LHPP: variants seen among roughly 807,000 people sequenced by gnomAD.
LHPP encodes the protein hLHPP.
A neutral mutation model predicts 30.3 loss-of-function variants in LHPP; 24 were observed. The ratio of observed to expected loss-of-function variants is 0.79; its 90% CI spans 0.57 to 1.11. The LOEUF is 1.11. LHPP is among the 50% of genes most tolerant of loss of function. The probability of loss-of-function intolerance (pLI) is 0.00; values close to 1 mark genes in which losing one functional copy is unlikely to be tolerated. For missense variants in LHPP, 356 were observed against 367.2 expected, an observed-to-expected ratio of 0.97 and a Z score of 0.25; for synonymous variants, 150 against 157.1, an observed-to-expected ratio of 0.95 and a Z score of 0.34.
chr10:124,517,151 C>T lies in LHPP; in HGVS notation c.625-29C>T, dbSNP rs1954478183. On this transcript the variant is annotated intron_variant, in intron 5 of 6. Coordinates refer to ENST00000368842, the MANE Select transcript of LHPP (RefSeq NM_022126.4). The surrounding 1 kb of genome is among the most constrained non-coding windows in gnomAD (Gnocchi z 4.1). ...CGGGAATAAAACTCTCCTGACATCA[C>T]TTCTGAGCGTATTTCACTGCCGTGA... 2.0e-6 allele frequency: 3 copies of T among 1,534,836 alleles called. No individual in the cohort carries two copies. The highest frequency in any genetic ancestry group is 1.4e-5 in the African/African-American group (1 of 72,630).
chr10:124,496,856 C>A lies in LHPP; in HGVS notation c.468-105C>A. On this transcript the variant is annotated intron_variant, in intron 3 of 6. Coordinates refer to ENST00000368842, the MANE Select transcript of LHPP (RefSeq NM_022126.4). The surrounding 1 kb of genome is among the most constrained non-coding windows in gnomAD (Gnocchi z 4.3). Reference sequence around the variant, plus strand: ...GGACTGCCCCTCAGCCGCGGCTTGGCTCTGCAGCCAGCGGGACAGGCCCGG... The same window carrying A: ...GGACTGCCCCTCAGCCGCGGCTTGGATCTGCAGCCAGCGGGACAGGCCCGG... The A allele has an allele frequency of 2.0e-6, 2 of 1,011,182 alleles. No individual in the cohort carries two copies. Among genetic ancestry groups the A allele is most frequent in the South Asian group, 1.5e-5 (1 of 66,236 alleles). 62.6% of individuals were successfully genotyped at this position (1,011,182 alleles called of 1,614,324 possible).
chr10:124,551,164 T>TC, intron 6 of LHPP, among the ~76,000 whole-genome samples: 1 of 151,850 alleles, frequency 6.6e-6, no homozygotes, highest in Non-Finnish European at 1.5e-5. Context: ...GGGAGATGGC[T>TC]CCCCCCAGCC....
At chr10:124,566,923 G>T (rs543451165) in intron 6 of LHPP, among the ~76,000 whole-genome samples, 1 of 152,328 alleles carries the variant, frequency 6.6e-6, no homozygotes, top group African/African-American at 2.4e-5. Flanking sequence ...GTGCAGAAGA[G>T]AAATGGTCCC....
In LHPP at chr10:124,508,931, A is replaced by C. The variant is rs182569016; in HGVS notation, c.625-8249A>C. 4.2e-4 allele frequency among the ~76,000 whole-genome samples: 64 copies of C among 152,010 alleles called. 1 individual carries two copies. The highest frequency in any genetic ancestry group is 7.9e-4 in the Admixed American group (12 of 15,254). ...GTGTGCAGGTTTGTGATACAGGTAC[A>C]TTGTGTGTCTTGGGGGTTTGGTGTG... On this transcript the variant is annotated intron_variant, in intron 5 of 6. Coordinates refer to ENST00000368842, the MANE Select transcript of LHPP (RefSeq NM_022126.4).
intron 6 of LHPP, among the ~76,000 whole-genome samples, chr10:124,581,785 ACACAT>A (rs1948746013): frequency 1.4e-5 from 2 of 148,056 alleles, no homozygotes; most frequent in African/African-American, 5.0e-5. Context: ...ACACACACAC[ACACAT>A]TTTTTCTTTT....
intron 6 of LHPP, among the ~76,000 whole-genome samples, chr10:124,595,881 C>T (rs556078896): frequency 3.9e-5 from 6 of 152,296 alleles, no homozygotes; most frequent in South Asian, 2.1e-4. Context: ...CTGTACACAC[C>T]GCTCTCCCTG....
intron 6 of LHPP, among the ~76,000 whole-genome samples, chr10:124,531,799 A>G (rs1245644335): frequency 6.6e-6 from 1 of 152,146 alleles, no homozygotes; most frequent in African/African-American, 2.4e-5. Context: ...ATTGATACGT[A>G]TTTGTGGGGA....
rs961845321 is a variant in LHPP at position 124,461,965 on chromosome 10, G to C, written c.103G>C (p.Gly35Arg). The change falls in exon 1 of 7, where the codon GGC (glycine) becomes CGC (arginine). Residue 35 changes from glycine (G) to arginine (R), a missense_variant. Coordinates refer to ENST00000368842, the MANE Select transcript of LHPP (RefSeq NM_022126.4). ...SGAGGGTAIA[G>R]SVEAVARLKR... ...CGCGGGCGGCGGCACGGCCATCGCC[G>C]GCTCGGTGGAGGCGGTGGCCAGGTG... 5 of 1,224,226 alleles carry C rather than the reference G, an allele frequency of 4.1e-6. No homozygotes were observed. The highest frequency in any genetic ancestry group is 5.1e-6 in the Non-Finnish European group (5 of 979,470). The allele number at this position is 1,224,226 out of a possible 1,614,324, so 75.8% of individuals were successfully genotyped here.
chr10:124,607,851 C>T (rs977892737), intron 6 of LHPP, among the ~76,000 whole-genome samples: 4 of 152,208 alleles, frequency 2.6e-5, no homozygotes, highest in Admixed American at 6.5e-5. Context: ...ACCCGGGCCG[C>T]GGCCTCAGCC....
At chr10:124,504,033 A>G (rs1363531593) in intron 5 of LHPP, among the ~76,000 whole-genome samples, 1 of 152,006 alleles carries the variant, frequency 6.6e-6, no homozygotes, top group African/African-American at 2.4e-5. Flanking sequence ...CTCTACTACA[A>G]ATACAAAAAT....
intron 6 of LHPP, among the ~76,000 whole-genome samples, chr10:124,611,108 C>T (rs1949191839): frequency 1.3e-5 from 2 of 151,842 alleles, no homozygotes; most frequent in Admixed American, 1.3e-4. Flanking sequence ...GGTGTGTGCT[C>T]ATTCAGGAGC....
intron 6 of LHPP, among the ~76,000 whole-genome samples, chr10:124,575,845 A>G (rs1948651483): frequency 6.6e-6 from 1 of 152,152 alleles, no homozygotes; most frequent in South Asian, 2.1e-4. Flanking sequence ...GAGTGAGTGA[A>G]GGAAAGGCTG....
chr10:124,553,686 C>T (rs1370939622), intron 6 of LHPP, among the ~76,000 whole-genome samples: 1 of 152,142 alleles, frequency 6.6e-6, no homozygotes, highest in Non-Finnish European at 1.5e-5. Flanking sequence ...GTCTCGATCT[C>T]CTGACCTTGT....
rs1949191066 is a variant in LHPP, at chr10:124,611,043, C to CGGGTGAGGGTGCTGATGGAGTGGGTGT, written c.717-2212_717-2211insTGCTGATGGAGTGGGTGTGGGTGAGGG. 5.9e-5 allele frequency among the ~76,000 whole-genome samples: 8 copies of CGGGTGAGGGTGCTGATGGAGTGGGTGT among 135,520 alleles called. 1 individual carries two copies. The highest frequency in any genetic ancestry group is 2.5e-4 in the African/African-American group (8 of 32,016). 88.9% of individuals were successfully genotyped at this position (135,520 alleles called of 152,430 possible). ...GGTGAGGGTGCTGATGGAGCGGGTGCGGGTGAGGGGGCCGCATACTCATCC... is the reference window on the plus strand; with the variant it reads ...GGTGAGGGTGCTGATGGAGCGGGTGCGGGTGAGGGTGCTGATGGAGTGGGTGTGGGTGAGGGGGCCGCATACTCATCC... On this transcript the variant is annotated intron_variant, in intron 6 of 6. Transcript: ENST00000368842.
Position 124,486,176 on chromosome 10 carries a change from A to G in LHPP, c.313+1850A>G, listed in dbSNP as rs573781246. ...ACTTTTGCTGAGTTTTGACATATGCATGCACCCATGGAACCCAACCCCGTG... is the reference window on the plus strand; with the variant it reads ...ACTTTTGCTGAGTTTTGACATATGCGTGCACCCATGGAACCCAACCCCGTG... On this transcript the variant is annotated intron_variant, in intron 2 of 6. Transcript: ENST00000368842. Among the ~76,000 whole-genome samples, 3 of 152,252 alleles carry G rather than the reference A, an allele frequency of 2.0e-5. No individual in the cohort carries two copies. The South Asian group carries it at 6.2e-4, about 32-fold the overall frequency.
rs1954276777 is a variant in LHPP at position 124,510,715 on chromosome 10, C to G, written c.625-6465C>G. ...GGATGACATGTAATATTTGGAAGAC[C>G]CATTGCATTTCCAAGGAACCTTCTA... On this transcript the variant is annotated intron_variant, in intron 5 of 6. Coordinates refer to ENST00000368842, the MANE Select transcript of LHPP (RefSeq NM_022126.4). The surrounding 1 kb of genome is among the most constrained non-coding windows in gnomAD (Gnocchi z 4.0). 6.6e-6 allele frequency among the ~76,000 whole-genome samples: 1 copy of G among 152,238 alleles called. No individual in the cohort carries two copies. Among genetic ancestry groups the G allele is most frequent in the Non-Finnish European group, 1.5e-5 (1 of 68,044 alleles).
chr10:124,511,337 T>C lies in LHPP; in HGVS notation c.625-5843T>C, dbSNP rs189310445. Among the ~76,000 whole-genome samples the C allele has an allele frequency of 3.9e-4, 59 of 152,346 alleles. 1 individual carries two copies. In the East Asian group the frequency reaches 0.011, roughly 28 times the overall value. On this transcript the variant is annotated intron_variant, in intron 5 of 6. Coordinates refer to ENST00000368842, the MANE Select transcript of LHPP (RefSeq NM_022126.4). ...ATGATTACATTAAAATGTATGTCCTTGCTCTGCCTGGAGTCAAATAGTATG... is the reference window on the plus strand; with the variant it reads ...ATGATTACATTAAAATGTATGTCCTCGCTCTGCCTGGAGTCAAATAGTATG...
chr10:124,549,308 C>G (rs1384000620), intron 6 of LHPP, among the ~76,000 whole-genome samples: 1 of 152,066 alleles, frequency 6.6e-6, no homozygotes, highest in East Asian at 1.9e-4. Context: ...CGGTGTACAC[C>G]TGTAGCCCCA....
chr10:124,504,254 C>G (rs189867753), intron 5 of LHPP, among the ~76,000 whole-genome samples: 41 of 151,718 alleles, frequency 2.7e-4, no homozygotes, highest in Admixed American at 1.3e-3. Flanking sequence ...CCCCCTTCCC[C>G]CGACCCAAAA....
Sources: gnomAD v4.1 joint callset for allele counts (sites outside exome capture counted in the v4.1 genomes callset) on GRCh38, gnomAD v4.1.1 for gene constraint, Gnocchi (gnomAD v3.1) non-coding constraint, MANE v1.5 for transcripts, NCBI Gene and HGNC (gene_info 2026-07-23, HGNC 2026-07-21) for gene names.